The following LRRC3C variants were observed in gnomAD, a reference collection of about 807,000 sequenced individuals.
LRRC3C encodes leucine rich repeat containing 3C, also known as leucine-rich repeat-containing protein 3C.
In LRRC3C, 11 loss-of-function variants were observed where a neutral mutation model predicts 14.8. The ratio of observed to expected loss-of-function variants is 0.74; its 90% CI spans 0.47 to 1.23. LRRC3C has a LOEUF of 1.23. Among genes scored for constraint, LRRC3C ranks in the 50% most tolerant of loss-of-function variants. LRRC3C has a pLI of 0.00. For synonymous variants in LRRC3C, 149 were observed against 161.5 expected (o/e 0.92, Z 0.59); for missense variants, 354 against 361.8 (o/e 0.98, Z 0.18).
At chr17:39,933,172 G>T (rs1978698677) in intron 1 of LRRC3C, among the ~76,000 whole-genome samples, 1 of 152,178 alleles carries the variant, frequency 6.6e-6, no homozygotes, top group Non-Finnish European at 1.5e-5. Flanking sequence ...ACGTAATGTG[G>T]TATTACTTTT....
Position 39,944,301 on chromosome 17 carries a change from AC to A in LRRC3C, c.397del (p.Leu133SerfsTer23). 2 of 1,535,496 alleles carry A rather than the reference AC, an allele frequency of 1.3e-6. No individual in the cohort carries two copies. Among genetic ancestry groups the A allele is most frequent in the Middle Eastern group, 3.3e-4 (2 of 5,982 alleles). On this transcript the variant is annotated frameshift_variant, in exon 4 of 4. Coordinates refer to ENST00000377924, the MANE Select transcript of LRRC3C (RefSeq NM_001195545.2). LOFTEE classifies it high-confidence loss of function. Reference sequence around the variant, plus strand: ...CAGGGCCTGGAGGGCACATTGCGCCACCTCGACCTCTCTGCCAACCAGCTGG... The same window carrying A: ...CAGGGCCTGGAGGGCACATTGCGCCACTCGACCTCTCTGCCAACCAGCTGG... ...AFQGLEGTLR[H>X]LDLSANQLAS...
chr17:39,929,067 T>G (rs1978572218), intron 1 of LRRC3C: 2 of 152,276 alleles, frequency 1.3e-5, no homozygotes, highest in African/African-American at 4.8e-5. Flanking sequence ...ATAGTCATCT[T>G]TCTGCAGACA....
At chr17:39,941,349 TAAAA>T (rs11344927) in intron 2 of LRRC3C, 90 bp from the exon 3 acceptor site, 4,411 of 266,388 alleles carry the variant, frequency 0.017, no homozygotes, top group South Asian at 0.027. Flanking sequence ...AGACTTTATC[TAAAA>T]AAAAAAAAAA....
rs555897366 is a variant in LRRC3C at position 39,938,534 on chromosome 17, C to CAAA, written c.-82+2655_-82+2657dup. Among the ~76,000 whole-genome samples the CAAA allele has an allele frequency of 1.9e-4, 22 of 115,584 alleles. 1 individual carries two copies. The highest frequency in any genetic ancestry group is 4.4e-3 in the Middle Eastern group (1 of 226). 75.8% of individuals were successfully genotyped at this position (115,584 alleles called of 152,430 possible). ...CAACAAAGTGAGACCCTCATCTCTA[C>CAAA]AAAAAAAAAAAAAAAAATTGGCTGG... is the stretch of plus-strand genomic sequence containing the variant. On this transcript the variant is annotated intron_variant, in intron 2 of 3. Coordinates refer to ENST00000377924, the MANE Select transcript of LRRC3C (RefSeq NM_001195545.2).
At chr17:39,943,898 C>G in intron 3 of LRRC3C, 35 bp from the exon 4 acceptor site, 19 of 1,527,090 alleles carry the variant, frequency 1.2e-5, no homozygotes, top group Non-Finnish European at 1.6e-5. Context: ...ATTCTCTTGA[C>G]TCACTCCTCC....
chr17:39,932,531 C>A (rs985880556), intron 1 of LRRC3C, among the ~76,000 whole-genome samples: 53 of 119,432 alleles, frequency 4.4e-4, no homozygotes, highest in Non-Finnish European at 8.4e-4. Flanking sequence ...AATGAGACCC[C>A]CCCCCCACCC....
chr17:39,940,940 C>T (rs150985855), intron 2 of LRRC3C, among the ~76,000 whole-genome samples: 10,869 of 151,976 alleles, frequency 0.072, 524 homozygotes, highest in South Asian at 0.17. Flanking sequence ...GATGGTGTTT[C>T]GCCACATTGG....
chr17:39,930,951 G>A (rs1417965573), intron 1 of LRRC3C, among the ~76,000 whole-genome samples: 1 of 151,398 alleles, frequency 6.6e-6, no homozygotes, highest in Non-Finnish European at 1.5e-5. Flanking sequence ...AGACCAGCCT[G>A]GCCAACATGG....
At chr17:39,931,922 A>G (rs1978661587) in intron 1 of LRRC3C, among the ~76,000 whole-genome samples, 1 of 152,152 alleles carries the variant, frequency 6.6e-6, no homozygotes, top group African/African-American at 2.4e-5. Flanking sequence ...AAGTGCTGGG[A>G]TTACAGGCAT....
intron 1 of LRRC3C, chr17:39,929,077 A>G (rs1338340312): frequency 6.6e-6 from 1 of 152,248 alleles, no homozygotes; most frequent in African/African-American, 2.4e-5. Flanking sequence ...TTCTGCAGAC[A>G]TAAGCAAACC....
At chr17:39,936,557 C>T (rs1378927463) in intron 2 of LRRC3C, among the ~76,000 whole-genome samples, 2 of 151,664 alleles carry the variant, frequency 1.3e-5, no homozygotes, top group Admixed American at 1.3e-4. Flanking sequence ...AATCCCAACA[C>T]TTTGGGAAGT....
In LRRC3C at chr17:39,944,096, C is replaced by G. The variant is rs574965380; in HGVS notation, c.190C>G (p.Arg64Gly). The change falls in exon 4 of 4, where the codon CGC becomes GGC. Residue 64 changes from arginine (R) to glycine (G), a missense_variant. Physicochemically the swap from Arg to Gly is moderately radical, Grantham distance 125. Coordinates refer to ENST00000377924, the MANE Select transcript of LRRC3C (RefSeq NM_001195545.2). ...VAKEAGERTF[R>G]CSQAGLSAVP... ...AAAGGAAGCAGGTGAACGGACGTTC[C>G]GCTGCAGCCAGGCAGGCCTCAGTGC... is the stretch of plus-strand genomic sequence containing the variant. 2.6e-5 allele frequency: 40 copies of G among 1,536,096 alleles called. No homozygotes were observed. In the African/African-American group the frequency reaches 2.9e-4, roughly 11 times the overall value.
chr17:39,942,786 G>A (rs1406984665), intron 3 of LRRC3C, among the ~76,000 whole-genome samples: 3 of 152,206 alleles, frequency 2.0e-5, no homozygotes, highest in South Asian at 4.1e-4. Flanking sequence ...GTGCCATGGC[G>A]TGAAAGAATG....
intron 1 of LRRC3C, among the ~76,000 whole-genome samples, chr17:39,932,666 T>G (rs1413964502): frequency 3.3e-5 from 5 of 151,064 alleles, no homozygotes; most frequent in Admixed American, 1.3e-4. Flanking sequence ...GAGGCTGCAG[T>G]GAGTTATGAT....
At chr17:39,936,366 G>A (rs1321464414) in intron 2 of LRRC3C, among the ~76,000 whole-genome samples, 1 of 152,182 alleles carries the variant, frequency 6.6e-6, no homozygotes, top group African/African-American at 2.4e-5. Context: ...ACTCCCCGGT[G>A]ATGGCTTTTC....
chr17:39,930,396 TAAAAAAA>T (rs34932103), intron 1 of LRRC3C, among the ~76,000 whole-genome samples: 10 of 48,590 alleles, frequency 2.1e-4, no homozygotes, highest in African/African-American at 3.2e-4. Context: ...AAACTGACTT[TAAAAAAA>T]AAAAAAAAAA....
chr17:39,939,629 C>G (rs1165024224), intron 2 of LRRC3C: 1 of 152,716 alleles, frequency 6.5e-6, no homozygotes, highest in Non-Finnish European at 1.5e-5. Context: ...GTCTATGTCC[C>G]CTTCAACTAG....
intron 2 of LRRC3C, among the ~76,000 whole-genome samples, chr17:39,938,059 G>A (rs1978845465): frequency 6.6e-6 from 1 of 152,138 alleles, no homozygotes; most frequent in South Asian, 2.1e-4. Context: ...TTGAACCCAG[G>A]AGGCAGAGGC....
chr17:39,942,950 G>A (rs1390991660), intron 3 of LRRC3C, among the ~76,000 whole-genome samples: 1 of 152,206 alleles, frequency 6.6e-6, no homozygotes, highest in Non-Finnish European at 1.5e-5. Flanking sequence ...AGGAGTTCTG[G>A]GAAGCAGTTT....
Sources: allele counts gnomAD v4.1 joint callset (sites outside exome capture counted in the v4.1 genomes callset), GRCh38; gene constraint gnomAD v4.1.1; transcripts MANE v1.5; gene names NCBI Gene and HGNC (gene_info 2026-07-23, HGNC 2026-07-21).